PHF14: variants seen among roughly 807,000 people sequenced by gnomAD.
PHF14 encodes the protein PHD finger protein 14.
In PHF14, 55 loss-of-function variants were observed where a neutral mutation model predicts 117.9. That is an observed-to-expected ratio of 0.47 (90% confidence interval 0.38 to 0.58). The LOEUF (loss-of-function observed/expected upper bound fraction) is 0.58, where lower values mean the gene tolerates loss of function less well. PHF14 is among the 20% of genes least tolerant of loss of function. PHF14 has a pLI of 0.00. For synonymous variants in PHF14, 409 were observed against 368.6 expected, an observed-to-expected ratio of 1.11 and a Z score of -1.26; for missense variants, 978 against 1,122.2, an observed-to-expected ratio of 0.87 and a Z score of 1.84.
intron 16 of PHF14, among the ~76,000 whole-genome samples, chr7:11,102,279 A>G (rs1373118211): frequency 6.6e-6 from 1 of 151,826 alleles, no homozygotes; most frequent in East Asian, 1.9e-4. Context: ...AGGCAACTCA[A>G]TGTTTCAAAT....
intron 16 of PHF14, chr7:11,063,310 C>T: frequency 1.0e-6 from 1 of 983,906 alleles, no homozygotes; most frequent in Non-Finnish European, 1.2e-6. Context: ...GTTCCAAGTT[C>T]AGGAGATACA....
chr7:11,146,167 C>G (rs1302970191), intron 17 of PHF14, among the ~76,000 whole-genome samples: 1 of 151,926 alleles, frequency 6.6e-6, no homozygotes, highest in African/African-American at 2.4e-5. Context: ...ACATTACTTA[C>G]AAATTAAAAA....
chr7:11,068,105 C>T (rs920344856), intron 16 of PHF14, among the ~76,000 whole-genome samples: 2 of 152,124 alleles, frequency 1.3e-5, no homozygotes, highest in Non-Finnish European at 2.9e-5. Flanking sequence ...AATCCCAGCA[C>T]TTCGGAAGGC....
chr7:11,015,378 C>T (rs1050780744), intron 5 of PHF14, among the ~76,000 whole-genome samples: 8 of 152,012 alleles, frequency 5.3e-5, no homozygotes, highest in Non-Finnish European at 1.2e-4. Context: ...AAGAATCTTA[C>T]CTCTTCTTCC....
intron 12 of PHF14, among the ~76,000 whole-genome samples, chr7:11,041,292 A>G (rs74392191): frequency 0.013 from 2,032 of 151,886 alleles, 47 homozygotes; most frequent in African/African-American, 0.047. Flanking sequence ...TCTTTGCTCA[A>G]TATTTTCGGT....
chr7:11,028,508 C>T (rs117668771), intron 6 of PHF14, among the ~76,000 whole-genome samples, 173 bp from the exon 7 acceptor site: 2,999 of 152,116 alleles, frequency 0.02, 40 homozygotes, highest in Middle Eastern at 0.044. Flanking sequence ...TAGGTAATTA[C>T]GTTTTTTCAT....
chr7:11,125,428 T>C (rs1268510659), intron 17 of PHF14, among the ~76,000 whole-genome samples: 4 of 152,138 alleles, frequency 2.6e-5, no homozygotes, highest in African/African-American at 9.6e-5. Context: ...CAAGTTTCTC[T>C]TCTTCAAAAG....
intron 17 of PHF14, among the ~76,000 whole-genome samples, chr7:11,155,717 T>C (rs972834471): frequency 6.6e-6 from 1 of 152,180 alleles, no homozygotes; most frequent in Non-Finnish European, 1.5e-5. Flanking sequence ...TTTAGTCAGA[T>C]TGTAAACTCC....
At chr7:10,998,213 A>G (rs1423154085) in intron 4 of PHF14, among the ~76,000 whole-genome samples, 2 of 152,180 alleles carry the variant, frequency 1.3e-5, no homozygotes, top group South Asian at 2.1e-4. Context: ...AAAAGGATAT[A>G]TGGGTCCAGA....
At chr7:11,158,026 CT>C (rs1201801932) in intron 17 of PHF14, among the ~76,000 whole-genome samples, 2 of 152,056 alleles carry the variant, frequency 1.3e-5, no homozygotes, top group Non-Finnish European at 2.9e-5. Context: ...CTTTACCCAG[CT>C]TCTCTTTAGG....
intron 13 of PHF14, among the ~76,000 whole-genome samples, chr7:11,046,388 A>G (rs1784664488): frequency 6.6e-6 from 1 of 152,152 alleles, no homozygotes; most frequent in Non-Finnish European, 1.5e-5. Context: ...AATATTCTGA[A>G]ACACATTATT....
intron 5 of PHF14, among the ~76,000 whole-genome samples, chr7:11,017,288 AT>A (rs1425915443): frequency 6.6e-6 from 1 of 152,168 alleles, no homozygotes; most frequent in African/African-American, 2.4e-5. Context: ...GCTGGATTAT[AT>A]GGCAGCTCAA....
At position 11,061,779 on chromosome 7, in the gene PHF14, G is replaced by GT. The variant is rs768323713; in HGVS notation, c.2482-5dup. Reference sequence around the variant, plus strand: ...ATTTTTGTTTTTTGTTTTTTTTTTTGTTTTTTTCCAGAGAACCAGAGGACG... The same window carrying GT: ...ATTTTTGTTTTTTGTTTTTTTTTTTGTTTTTTTTCCAGAGAACCAGAGGACG... On this transcript the variant is annotated splice_polypyrimidine_tract_variant and intron_variant, in intron 14 of 17. Coordinates refer to ENST00000634607, the MANE Select transcript of PHF14 (RefSeq NM_001007157.2). The GT allele has an allele frequency of 1.9e-3, 2,457 of 1,272,548 alleles. 2 individuals carry two copies. Among genetic ancestry groups the GT allele is most frequent in the South Asian group, 2.8e-3 (162 of 57,254 alleles). 78.8% of individuals were successfully genotyped at this position (1,272,548 alleles called of 1,614,324 possible). A position where few individuals can be genotyped will look rare whatever the true frequency, so the allele number is the denominator to read the frequency against.
intron 16 of PHF14, among the ~76,000 whole-genome samples, chr7:11,073,662 G>T (rs1785711057): frequency 6.6e-6 from 1 of 152,160 alleles, no homozygotes; most frequent in East Asian, 1.9e-4. Flanking sequence ...TCCCTGGTAG[G>T]GATTCTGTGT....
At chr7:11,162,275 A>T (rs112425470) in intron 17 of PHF14, among the ~76,000 whole-genome samples, 3,003 of 151,730 alleles carry the variant, frequency 0.02, 103 homozygotes, top group African/African-American at 0.069. Flanking sequence ...TTTTTAGTGG[A>T]GACGGGGTTT....
At chr7:11,024,551 T>C (rs1428205054) in intron 6 of PHF14, among the ~76,000 whole-genome samples, 1 of 152,146 alleles carries the variant, frequency 6.6e-6, no homozygotes, top group South Asian at 2.1e-4. Context: ...TGACTTTAAG[T>C]TGAAGCCAGT....
At chr7:10,990,642 ATTAAG>A in intron 3 of PHF14, 56 bp from the exon 4 acceptor site, 1 of 1,050,902 alleles carries the variant, frequency 9.5e-7, no homozygotes, top group Non-Finnish European at 1.4e-6. Context: ...AATTTTAGTG[ATTAAG>A]TTTTTTTTTT....
intron 11 of PHF14, 105 bp from the exon 12 acceptor site, chr7:11,040,567 C>T (rs1053410452): frequency 7.8e-5 from 35 of 450,074 alleles, no homozygotes; most frequent in African/African-American, 5.1e-4. Flanking sequence ...AGATTTCCCC[C>T]TAACAATCCT....
intron 16 of PHF14, among the ~76,000 whole-genome samples, chr7:11,088,822 A>C (rs1786527872): frequency 6.6e-6 from 1 of 152,192 alleles, no homozygotes; most frequent in South Asian, 2.1e-4. Context: ...GTATTAAAAA[A>C]TTATGTATCT....
Sources: allele counts gnomAD v4.1 joint callset (sites outside exome capture counted in the v4.1 genomes callset), GRCh38; gene constraint gnomAD v4.1.1; transcripts MANE v1.5; gene names NCBI Gene and HGNC (gene_info 2026-07-23, HGNC 2026-07-21).